Variants in DIS3L2 observed in about 807,000 individuals in gnomAD.
The protein encoded by DIS3L2 is DIS3-like exonuclease 2.
In DIS3L2, 34 loss-of-function variants were observed where a neutral mutation model predicts 97.5. That is an observed-to-expected ratio of 0.35 (90% CI 0.27 to 0.46). The LOEUF is 0.46. DIS3L2 is among the 20% of genes least tolerant of loss of function. The probability of loss-of-function intolerance (pLI) is 1.00; values close to 1 mark genes in which losing one functional copy is unlikely to be tolerated. For synonymous variants in DIS3L2, 435 were observed against 445.2 expected (o/e 0.98, Z 0.29); for missense variants, 1,038 against 1,146.0 (o/e 0.91, Z 1.36).
At chr2:232,288,952 AAGGAG>A (rs1195685681) in intron 13 of DIS3L2, among the ~76,000 whole-genome samples, 1 of 152,224 alleles carries the variant, frequency 6.6e-6, no homozygotes, top group Non-Finnish European at 1.5e-5. Context: ...AATCAGAATG[AAGGAG>A]AGGAGTGTCA....
chr2:232,071,779 G>T (rs977297012), intron 5 of DIS3L2, among the ~76,000 whole-genome samples: 30 of 152,130 alleles, frequency 2.0e-4, no homozygotes. Flanking sequence ...GGCTCAAGCA[G>T]TCCTCCACCT....
intron 5 of DIS3L2, among the ~76,000 whole-genome samples, chr2:232,069,483 T>C (rs1284065344): frequency 6.6e-6 from 1 of 152,204 alleles, no homozygotes; most frequent in Non-Finnish European, 1.5e-5. Flanking sequence ...CTAAGGAAGC[T>C]TCAACTTTAT....
chr2:232,200,020 A>G (rs1303173426), intron 9 of DIS3L2, among the ~76,000 whole-genome samples: 1 of 152,264 alleles, frequency 6.6e-6, no homozygotes, highest in African/African-American at 2.4e-5. Context: ...TAGTGAGTAT[A>G]TTCTAAGGAT....
chr2:231,991,159 G>A (rs993190692), intron 1 of DIS3L2, among the ~76,000 whole-genome samples: 10 of 151,658 alleles, frequency 6.6e-5, no homozygotes, highest in African/African-American at 2.4e-4. Flanking sequence ...CGCCTGTCTC[G>A]GTCTCCCAAA....
Position 232,177,282 on chromosome 2 carries a change from T to C in DIS3L2, c.1124+13650T>C, listed in dbSNP as rs561401338. ...AATAAACATACGTGTGCATGTGTCT[T>C]TATAGCAGCATGATTTATAGTCATT... On this transcript the variant is annotated intron_variant, in intron 9 of 20. Coordinates refer to ENST00000325385, the MANE Select transcript of DIS3L2 (RefSeq NM_152383.5). 1.5e-4 allele frequency among the ~76,000 whole-genome samples: 22 copies of C among 146,764 alleles called. No homozygotes were observed. The East Asian group carries it at 1.8e-3, about 12-fold the overall frequency.
chr2:231,965,931 G>A (rs751647971), intron 1 of DIS3L2, among the ~76,000 whole-genome samples: 6 of 152,020 alleles, frequency 3.9e-5, no homozygotes, highest in Non-Finnish European at 7.4e-5. Flanking sequence ...CGATCCTCCT[G>A]CTTCAACCTC....
At chr2:232,072,165 T>C (rs1574852517) in intron 5 of DIS3L2, among the ~76,000 whole-genome samples, 1 of 152,122 alleles carries the variant, frequency 6.6e-6, no homozygotes, top group East Asian at 1.9e-4. Context: ...GAGTTTCAGG[T>C]GGCAGTGGCC....
chr2:231,986,921 A>T (rs1268925588), intron 1 of DIS3L2, among the ~76,000 whole-genome samples: 1 of 152,216 alleles, frequency 6.6e-6, no homozygotes, highest in Non-Finnish European at 1.5e-5. Context: ...ACAGTAGATG[A>T]TCCATTTTGT....
At chr2:232,339,470 A>G (rs543504553), downstream of DIS3L2, among the ~76,000 whole-genome samples, 7 of 151,390 alleles carry the variant, frequency 4.6e-5, no homozygotes, top group South Asian at 2.1e-4. Context: ...GAGGCCTGAC[A>G]GGGACAGGCT....
At chr2:232,181,915 G>T (rs1168269190) in intron 9 of DIS3L2, among the ~76,000 whole-genome samples, 1 of 152,148 alleles carries the variant, frequency 6.6e-6, no homozygotes, top group Non-Finnish European at 1.5e-5. Context: ...GCCTCCCAAA[G>T]TGCTGGGATT....
chr2:231,976,806 T>G (rs928253999), intron 1 of DIS3L2, among the ~76,000 whole-genome samples: 2 of 149,398 alleles, frequency 1.3e-5, no homozygotes, highest in African/African-American at 4.9e-5. Flanking sequence ...CTCGCTCTGT[T>G]GCCCAGGCTG....
At chr2:231,974,372 A>AT (rs988058285) in intron 1 of DIS3L2, among the ~76,000 whole-genome samples, 3 of 150,984 alleles carry the variant, frequency 2.0e-5, no homozygotes, top group Admixed American at 6.6e-5. Flanking sequence ...TCAGCTGTCA[A>AT]TTTTTTTTTC....
At chr2:232,025,377 AT>A (rs1250208300) in intron 4 of DIS3L2, among the ~76,000 whole-genome samples, 2 of 152,130 alleles carry the variant, frequency 1.3e-5, no homozygotes, top group Admixed American at 6.6e-5. Flanking sequence ...CTCAAGTGAT[AT>A]TATTGTTATT....
At chr2:232,000,508 G>A (rs1313663870) in intron 1 of DIS3L2, among the ~76,000 whole-genome samples, 3 of 151,966 alleles carry the variant, frequency 2.0e-5, no homozygotes, top group African/African-American at 7.3e-5. Flanking sequence ...AGATCATGTG[G>A]TATTTATTTG....
intron 13 of DIS3L2, among the ~76,000 whole-genome samples, chr2:232,285,972 T>G (rs1303680749): frequency 6.6e-6 from 1 of 152,224 alleles, no homozygotes; most frequent in Non-Finnish European, 1.5e-5. Context: ...TGTTTCAACT[T>G]GAGAATAACT....
chr2:231,968,546 C>G (rs956950239), intron 1 of DIS3L2, among the ~76,000 whole-genome samples: 1 of 152,188 alleles, frequency 6.6e-6, no homozygotes, highest in African/African-American at 2.4e-5. Context: ...GTAGCTGATT[C>G]CTCTTTATTG....
intron 12 of DIS3L2, among the ~76,000 whole-genome samples, chr2:232,252,954 C>T (rs1693458075): frequency 6.6e-6 from 1 of 152,126 alleles, no homozygotes; most frequent in South Asian, 2.1e-4. Flanking sequence ...AAATAAAAAA[C>T]AGACACCAGA....
chr2:232,073,439 T>C (rs1337698524), intron 5 of DIS3L2, among the ~76,000 whole-genome samples: 2 of 152,220 alleles, frequency 1.3e-5, no homozygotes, highest in Non-Finnish European at 2.9e-5. Context: ...GTGAATCTTT[T>C]GGAAAAACTC....
chr2:232,086,258 C>T (rs556505033), intron 5 of DIS3L2, among the ~76,000 whole-genome samples: 10 of 145,898 alleles, frequency 6.9e-5, no homozygotes, highest in East Asian at 5.9e-4. Context: ...CACGTATAGA[C>T]GTGTATACGT....
Sources: allele counts gnomAD v4.1 joint callset (sites outside exome capture counted in the v4.1 genomes callset), GRCh38; gene constraint gnomAD v4.1.1; transcripts MANE v1.5; gene names NCBI Gene and HGNC (gene_info 2026-07-23, HGNC 2026-07-21).